Variants in LGR5 observed in about 807,000 individuals in gnomAD.
The protein encoded by LGR5 is leucine rich repeat containing G protein-coupled receptor 5.
In LGR5, 54 loss-of-function variants were observed where a neutral mutation model predicts 76.7. That is an observed-to-expected ratio of 0.70 (90% CI 0.57 to 0.88). LGR5 has a LOEUF of 0.88. Among genes scored for constraint, LGR5 ranks in the 40% least tolerant of loss-of-function variants. The probability of loss-of-function intolerance (pLI) is 0.00; values close to 1 mark genes in which losing one functional copy is unlikely to be tolerated. For synonymous variants in LGR5, 406 were observed against 421.9 expected (o/e 0.96, Z 0.46); for missense variants, 1,078 against 1,073.3 (o/e 1.00, Z -0.06).
chr12:71,465,381 A>G (rs374643894), intron 1 of LGR5, among the ~76,000 whole-genome samples: 1 of 152,060 alleles, frequency 6.6e-6, no homozygotes, highest in East Asian at 1.9e-4. Flanking sequence ...AATTATTTCG[A>G]CTTTTTCTTT....
chr12:71,479,527 C>A (rs1191862128), intron 1 of LGR5, among the ~76,000 whole-genome samples: 1 of 151,980 alleles, frequency 6.6e-6, no homozygotes, highest in Non-Finnish European at 1.5e-5. Context: ...GATGTGACCA[C>A]AAACTTTTCT....
intron 4 of LGR5, among the ~76,000 whole-genome samples, chr12:71,540,347 C>T (rs953654614): frequency 1.3e-5 from 2 of 152,204 alleles, no homozygotes; most frequent in African/African-American, 2.4e-5. Flanking sequence ...TTTGCATAAT[C>T]GCAAAGGTAA....
At chr12:71,576,664 T>C (rs1421472004) in intron 13 of LGR5, among the ~76,000 whole-genome samples, 1 of 152,144 alleles carries the variant, frequency 6.6e-6, no homozygotes, top group Non-Finnish European at 1.5e-5. Flanking sequence ...TTACAGGCCT[T>C]TGAACATATA....
intron 1 of LGR5, among the ~76,000 whole-genome samples, chr12:71,480,073 G>T (rs1286864267): frequency 5.9e-5 from 9 of 152,092 alleles, no homozygotes; most frequent in Admixed American, 5.9e-4. Context: ...ACTTAAGAAT[G>T]AGGAAGGAGG....
chr12:71,570,861 A>T lies in LGR5; in HGVS notation c.1071-653A>T, dbSNP rs115058347. On this transcript the variant is annotated intron_variant, in intron 11 of 17. Coordinates refer to ENST00000266674, the MANE Select transcript of LGR5 (RefSeq NM_003667.4). ...GTTAGTTGATTAGCTGATAACTTTTAAAACATGAAACAAAATTGTTCTTAT... is the reference window on the plus strand; with the variant it reads ...GTTAGTTGATTAGCTGATAACTTTTTAAACATGAAACAAAATTGTTCTTAT... Among the ~76,000 whole-genome samples the T allele has an allele frequency of 7.9e-3, 1,203 of 152,330 alleles. 15 individuals carry two copies. Among genetic ancestry groups the T allele is most frequent in the African/African-American group, 0.027 (1,110 of 41,582 alleles).
At chr12:71,501,355 G>A (rs553215883) in intron 1 of LGR5, among the ~76,000 whole-genome samples, 33 of 152,228 alleles carry the variant, frequency 2.2e-4, no homozygotes, top group African/African-American at 7.9e-4. Flanking sequence ...TTCTAGGCCT[G>A]GCCTTTCCCC....
chr12:71,519,435 T>G (rs755319830), intron 2 of LGR5, among the ~76,000 whole-genome samples: 20 of 152,312 alleles, frequency 1.3e-4, no homozygotes, highest in Non-Finnish European at 2.6e-4. Flanking sequence ...CTTGTCACAT[T>G]AGAATACCAG....
chr12:71,453,132 G>A (rs748889029), intron 1 of LGR5, among the ~76,000 whole-genome samples: 7 of 152,152 alleles, frequency 4.6e-5, no homozygotes, highest in Non-Finnish European at 8.8e-5. Flanking sequence ...GCACCTACTA[G>A]GTAAAGAACT....
chr12:71,542,950 T>TTG, intron 4 of LGR5, among the ~76,000 whole-genome samples: 1 of 152,318 alleles, frequency 6.6e-6, no homozygotes, highest in Admixed American at 6.5e-5. Flanking sequence ...AATGATTGAT[T>TTG]TGTCTGACTA....
chr12:71,567,623 G>A (rs1878411618), intron 11 of LGR5, among the ~76,000 whole-genome samples: 1 of 152,106 alleles, frequency 6.6e-6, no homozygotes, highest in African/African-American at 2.4e-5. Context: ...TGTGGCAATT[G>A]AGCGCCTGCA....
intron 2 of LGR5, among the ~76,000 whole-genome samples, chr12:71,514,180 T>C (rs1029251919): frequency 1.3e-5 from 2 of 152,044 alleles, no homozygotes; most frequent in African/African-American, 2.4e-5. Flanking sequence ...ATAGGCTACA[T>C]TGTATAGAAT....
chr12:71,499,560 C>A (rs563462805), intron 1 of LGR5, among the ~76,000 whole-genome samples: 1 of 152,096 alleles, frequency 6.6e-6, no homozygotes, highest in South Asian at 2.1e-4. Context: ...GGAGTTTGGG[C>A]ATCATTTCCT....
intron 13 of LGR5, among the ~76,000 whole-genome samples, chr12:71,573,518 T>C (rs1054006550): frequency 1.4e-5 from 2 of 147,568 alleles, no homozygotes; most frequent in Non-Finnish European, 3.0e-5. Context: ...GATTGAAATG[T>C]TATATATTAA....
chr12:71,548,815 TACACACACACACACAC>T (rs71068775), intron 4 of LGR5, among the ~76,000 whole-genome samples: 13 of 148,560 alleles, frequency 8.8e-5, no homozygotes, highest in African/African-American at 3.2e-4. Flanking sequence ...CTAAGGTGCC[TACACACACACACACAC>T]ACACACACAC....
chr12:71,545,602 T>C (rs1425128524), intron 4 of LGR5, among the ~76,000 whole-genome samples: 2 of 152,152 alleles, frequency 1.3e-5, no homozygotes, highest in East Asian at 1.9e-4. Flanking sequence ...CTTTTTTTTT[T>C]CTCCAAGTCA....
intron 1 of LGR5, among the ~76,000 whole-genome samples, chr12:71,473,753 T>C (rs1352778241): frequency 6.6e-6 from 1 of 152,128 alleles, no homozygotes; most frequent in African/African-American, 2.4e-5. Flanking sequence ...ATTACTAGTG[T>C]TTTATTATTA....
chr12:71,583,035 G>T (rs910870512), intron 17 of LGR5, among the ~76,000 whole-genome samples: 2 of 141,258 alleles, frequency 1.4e-5, no homozygotes, highest in Non-Finnish European at 3.1e-5. Flanking sequence ...AGAGGAAGGG[G>T]AGGGGAAGAG....
intron 1 of LGR5, among the ~76,000 whole-genome samples, chr12:71,466,232 C>T (rs1812583347): frequency 6.6e-6 from 1 of 152,178 alleles, no homozygotes; most frequent in African/African-American, 2.4e-5. Flanking sequence ...CTTTCTGAAT[C>T]AAGAGTCAAA....
At chr12:71,471,973 GATAAA>G (rs1340768105) in intron 1 of LGR5, among the ~76,000 whole-genome samples, 1 of 152,146 alleles carries the variant, frequency 6.6e-6, no homozygotes, top group African/African-American at 2.4e-5. Context: ...CCTTCAGAAT[GATAAA>G]ATAAACTTTG....
Sources: gnomAD v4.1 joint callset for allele counts (sites outside exome capture counted in the v4.1 genomes callset) on GRCh38, gnomAD v4.1.1 for gene constraint, MANE v1.5 for transcripts, NCBI Gene and HGNC (gene_info 2026-07-23, HGNC 2026-07-21) for gene names.